FLI1: variants seen among roughly 807,000 people sequenced by gnomAD.
FLI1 encodes Fli-1 proto-oncogene, ETS transcription factor.
In FLI1, 13 loss-of-function variants were observed where a neutral mutation model predicts 53.1. The ratio of observed to expected loss-of-function variants is 0.24; its 90% confidence interval spans 0.16 to 0.39. The LOEUF is 0.39. FLI1 is among the 10% of genes least tolerant of loss of function. The pLI is 1.00. For synonymous variants in FLI1, 244 were observed against 236.7 expected (o/e 1.03, Z -0.28); for missense variants, 424 against 600.5 (o/e 0.71, Z 3.07).
intron 5 of FLI1, among the ~76,000 whole-genome samples, chr11:128,797,668 G>A (rs1942480101): frequency 6.6e-6 from 1 of 152,152 alleles, no homozygotes; most frequent in Non-Finnish European, 1.5e-5. Flanking sequence ...AAAGTGTCTG[G>A]CAAGGTAGTA....
chr11:128,788,140 G>C (rs1942155964), intron 5 of FLI1, among the ~76,000 whole-genome samples: 1 of 152,098 alleles, frequency 6.6e-6, no homozygotes, highest in Non-Finnish European at 1.5e-5. Flanking sequence ...CAAGGGTCGT[G>C]AAGGATACTA....
At chr11:128,799,601 C>G (rs904757643) in intron 5 of FLI1, among the ~76,000 whole-genome samples, 2 of 152,194 alleles carry the variant, frequency 1.3e-5, no homozygotes, top group African/African-American at 4.8e-5. Flanking sequence ...AGTCCTATCT[C>G]CTAACTGCCA....
At position 128,784,265 on chromosome 11, in the gene FLI1, C is replaced by G. The variant is rs369883813; in HGVS notation, c.655+2242C>G. On this transcript the variant is annotated intron_variant, in intron 5 of 8. Transcript: ENST00000527786. Reference sequence around the variant, plus strand: ...TCCTCCTCCTCCTCCTCCTCCTCCTCCTCCTGCTGTCTTATTGTTCAGCCG... The same window carrying G: ...TCCTCCTCCTCCTCCTCCTCCTCCTGCTCCTGCTGTCTTATTGTTCAGCCG... Among the ~76,000 whole-genome samples the G allele has an allele frequency of 4.4e-3, 578 of 130,380 alleles. 11 individuals are homozygous for G. The highest frequency in any genetic ancestry group is 0.016 in the African/African-American group (538 of 33,468). 85.5% of individuals were successfully genotyped at this position (130,380 alleles called of 152,430 possible).
rs140585709 is a variant in FLI1, at chr11:128,760,143, C to A, written c.230+1817C>A. Among the ~76,000 whole-genome samples, 10 of 152,310 alleles carry A rather than the reference C, an allele frequency of 6.6e-5. No homozygotes were observed. The East Asian group carries it at 1.9e-3, about 29-fold the overall frequency. Reference sequence around the variant, plus strand: ...TGATGGTGCCGGAGCTCCTAACAGTCGAAGGACATGGTGTGTTGAACGTTT... The same window carrying A: ...TGATGGTGCCGGAGCTCCTAACAGTAGAAGGACATGGTGTGTTGAACGTTT... On this transcript the variant is annotated intron_variant, in intron 2 of 8. Transcript: ENST00000527786.
At chr11:128,788,380 A>G (rs1942164322) in intron 5 of FLI1, among the ~76,000 whole-genome samples, 1 of 152,074 alleles carries the variant, frequency 6.6e-6, no homozygotes, top group Non-Finnish European at 1.5e-5. Flanking sequence ...GAAGCAGGAG[A>G]ATTGCTTGAA....
At chr11:128,807,035 A>G (rs1223346688) in intron 6 of FLI1, 145 bp from the exon 7 acceptor site, 5 of 446,740 alleles carry the variant, frequency 1.1e-5, no homozygotes, top group Non-Finnish European at 2.0e-5. Flanking sequence ...AGTAGATTCT[A>G]GGTAAATGTT....
intron 4 of FLI1, among the ~76,000 whole-genome samples, chr11:128,773,474 T>A (rs1165892971): frequency 1.3e-5 from 2 of 152,004 alleles, no homozygotes; most frequent in Admixed American, 6.6e-5. Context: ...GGCTGCTATC[T>A]GCACACTTCC....
At chr11:128,789,756 T>C (rs559587888) in intron 5 of FLI1, among the ~76,000 whole-genome samples, 47 of 152,190 alleles carry the variant, frequency 3.1e-4, no homozygotes, top group African/African-American at 1.0e-3. Flanking sequence ...GTGTGTTGCC[T>C]TGTAGAGTGC....
At chr11:128,720,947 A>C (rs1232433895) in intron 1 of FLI1, among the ~76,000 whole-genome samples, 1 of 152,112 alleles carries the variant, frequency 6.6e-6, no homozygotes, top group African/African-American at 2.4e-5. Flanking sequence ...TGTGCAACAG[A>C]AGCCGCCTCT....
At chr11:128,767,113 G>T (rs542324492) in intron 2 of FLI1, among the ~76,000 whole-genome samples, 1 of 152,174 alleles carries the variant, frequency 6.6e-6, no homozygotes, top group African/African-American at 2.4e-5. Context: ...GCTTCAGGGC[G>T]CCAGGTGGCC....
At chr11:128,739,910 A>C (rs973400291) in intron 1 of FLI1, among the ~76,000 whole-genome samples, 1 of 152,006 alleles carries the variant, frequency 6.6e-6, no homozygotes, top group East Asian at 1.9e-4. Flanking sequence ...TTTTGACAGG[A>C]TTTTCCTCTA....
chr11:128,802,878 C>T (rs1365604981), intron 5 of FLI1, among the ~76,000 whole-genome samples: 1 of 152,218 alleles, frequency 6.6e-6, no homozygotes, highest in Non-Finnish European at 1.5e-5. Flanking sequence ...CATGCCTGCT[C>T]TGTCCCTGGA....
At chr11:128,766,859 T>C (rs1359753757) in intron 2 of FLI1, among the ~76,000 whole-genome samples, 1 of 151,996 alleles carries the variant, frequency 6.6e-6, no homozygotes, top group Non-Finnish European at 1.5e-5. Flanking sequence ...CTCCTTGGTC[T>C]GAAGGCCTGG....
chr11:128,690,289 G>T (rs1424723810), upstream of FLI1, among the ~76,000 whole-genome samples: 1 of 152,156 alleles, frequency 6.6e-6, no homozygotes, highest in African/African-American at 2.4e-5. Flanking sequence ...CTGCGGCCTC[G>T]CTGGACCAGA....
At chr11:128,699,945 G>T (rs1938253643) in intron 1 of FLI1, among the ~76,000 whole-genome samples, 1 of 152,196 alleles carries the variant, frequency 6.6e-6, no homozygotes, top group South Asian at 2.1e-4. Flanking sequence ...TGTCTGTTAG[G>T]CAGGGACTAA....
rs35195224 is a variant in FLI1 at position 128,781,998 on chromosome 11, A to T, written c.630A>T (p.Gln210His). The change falls in exon 5 of 9, where the codon CAA becomes CAT. Residue 210 changes from glutamine to histidine, a missense_variant. By Grantham distance (24) the Gln-to-His change is conservative (BLOSUM62 0). Coordinates refer to ENST00000527786, the MANE Select transcript of FLI1 (RefSeq NM_002017.5). ...ATAATACAACCTCCCACACCGACCA[A>T]TCCTCACGATTGAGTGTCAAAGAAG... is the stretch of plus-strand genomic sequence containing the variant. ...LAYNTTSHTD[Q>H]SSRLSVKEDP... The T allele has an allele frequency of 6.2e-7, 1 of 1,613,512 alleles. No homozygotes were observed. The highest frequency in any genetic ancestry group is 8.5e-7 in the Non-Finnish European group (1 of 1,179,680).
chr11:128,693,714 G>A, upstream of FLI1: 1 of 233,382 alleles, frequency 4.3e-6, no homozygotes. Context: ...TCGGGAATCA[G>A]GGCGCGGACG....
At chr11:128,708,406 G>C (rs1214017700) in intron 1 of FLI1, among the ~76,000 whole-genome samples, 1 of 152,182 alleles carries the variant, frequency 6.6e-6, no homozygotes, top group African/African-American at 2.4e-5. Flanking sequence ...TAAAAACTTT[G>C]CTGGTGAAGC....
intron 5 of FLI1, among the ~76,000 whole-genome samples, chr11:128,799,040 A>ATT (rs1360505352): frequency 3.0e-5 from 4 of 131,460 alleles, no homozygotes; most frequent in East Asian, 2.1e-4. Flanking sequence ...TATTATTATT[A>ATT]TTATTATTAT....
Sources: gnomAD v4.1 joint callset for allele counts (sites outside exome capture counted in the v4.1 genomes callset) on GRCh38, gnomAD v4.1.1 for gene constraint, MANE v1.5 for transcripts, NCBI Gene and HGNC (gene_info 2026-07-23, HGNC 2026-07-21) for gene names.